STX1A: variants seen among roughly 807,000 people sequenced by gnomAD.
STX1A encodes syntaxin 1A, also known as syntaxin-1A.
A neutral mutation model predicts 37.8 loss-of-function variants in STX1A; 4 were observed. That is an observed-to-expected ratio of 0.11 (90% CI 0.05 to 0.24). The LOEUF is 0.24. Ranked by LOEUF, STX1A falls within the 10% of genes least tolerant of loss-of-function variation. The probability of loss-of-function intolerance (pLI) is 1.00; values close to 1 mark genes in which losing one functional copy is unlikely to be tolerated. For synonymous variants in STX1A, 135 were observed against 147.4 expected, an observed-to-expected ratio of 0.92 and a Z score of 0.61; for missense variants, 251 against 399.9, an observed-to-expected ratio of 0.63 and a Z score of 3.18.
Position 73,704,127 on chromosome 7 carries a change from CAG to C in STX1A, c.466+19_466+20del. On this transcript the variant is annotated intron_variant, in intron 6 of 9. Transcript: ENST00000222812. ...CCCCTCCAGGCTCCAGGCCCCGCCCCAGGCCCCACCCCCAGCTCACTGATCTC... is the reference window on the plus strand; with the variant it reads ...CCCCTCCAGGCTCCAGGCCCCGCCCCGCCCCACCCCCAGCTCACTGATCTC... The C allele has an allele frequency of 8.9e-6, 14 of 1,581,168 alleles. No individual in the cohort carries two copies. The highest frequency in any genetic ancestry group is 1.1e-5 in the Non-Finnish European group (13 of 1,161,204).
rs1799340851 is a variant in STX1A at position 73,717,768 on chromosome 7, T to G, written c.30+1834A>C. Among the ~76,000 whole-genome samples, 1 of 152,082 alleles carries G rather than the reference T, an allele frequency of 6.6e-6. No homozygotes were observed. Among genetic ancestry groups the G allele is most frequent in the East Asian group, 1.9e-4 (1 of 5,182 alleles). On this transcript the variant is annotated intron_variant, in intron 1 of 9. Coordinates refer to ENST00000222812, the MANE Select transcript of STX1A (RefSeq NM_004603.4). This position sits in a 1 kb window ranked among gnomAD's most constrained non-coding sequence, Gnocchi z 4.1. Reference sequence around the variant, plus strand: ...ATCTAATCAGGGGGCGAGGAGGTAGTAACAGAGACAGACATCAGAGCAAAA... The same window carrying G: ...ATCTAATCAGGGGGCGAGGAGGTAGGAACAGAGACAGACATCAGAGCAAAA...
chr7:73,706,514 C>T lies in STX1A; in HGVS notation c.209-1290G>A, dbSNP rs1006500897. Among the ~76,000 whole-genome samples, 3 of 152,118 alleles carry T rather than the reference C, an allele frequency of 2.0e-5. No homozygotes were observed. Among genetic ancestry groups the T allele is most frequent in the Non-Finnish European group, 4.4e-5 (3 of 68,018 alleles). ...CCCAACATGAGCCCCCTCCTCTTAGCGAGAGCCTGGGACTCCGCCAGGTCT... is the reference window on the plus strand; with the variant it reads ...CCCAACATGAGCCCCCTCCTCTTAGTGAGAGCCTGGGACTCCGCCAGGTCT... On this transcript the variant is annotated intron_variant, in intron 3 of 9. Coordinates refer to ENST00000222812, the MANE Select transcript of STX1A (RefSeq NM_004603.4). This position sits in a 1 kb window ranked among gnomAD's most constrained non-coding sequence, Gnocchi z 4.6.
In STX1A at chr7:73,702,534, C is replaced by T; in HGVS notation, c.678+311G>A. 1.5e-6 allele frequency: 1 copy of T among 680,384 alleles called. No homozygotes were observed. Among genetic ancestry groups the T allele is most frequent in the Non-Finnish European group, 2.3e-6 (1 of 430,004 alleles). The allele number at this position is 680,384 out of a possible 1,614,324, so 42.1% of individuals were successfully genotyped here. ...GCTGTCCTGGTCACTGCTATGCCTT[C>T]AGTCTCTGGGGAAATGCGTGGCCCA... On this transcript the variant is annotated intron_variant, in intron 8 of 9. Coordinates refer to ENST00000222812, the MANE Select transcript of STX1A (RefSeq NM_004603.4). This position sits in a 1 kb window ranked among gnomAD's most constrained non-coding sequence, Gnocchi z 4.7.
intron 1 of STX1A, among the ~76,000 whole-genome samples, chr7:73,714,785 AAAC>A (rs1554618478): frequency 6.6e-6 from 1 of 150,858 alleles, no homozygotes; most frequent in East Asian, 1.9e-4. Context: ...TAAAAAAAAA[AAAC>A]AAAAACGGCT....
In STX1A at chr7:73,700,419, G is replaced by T; in HGVS notation, c.855C>A (p.Gly285=). 6.2e-7 allele frequency: 1 copy of T among 1,614,054 alleles called. No individual in the cohort carries two copies. Among genetic ancestry groups the T allele is most frequent in the Non-Finnish European group, 8.5e-7 (1 of 1,179,980 alleles). The change falls in exon 10 of 10, where the codon GGC becomes GGA. Residue 285 remains glycine, a synonymous_variant. Coordinates refer to ENST00000222812, the MANE Select transcript of STX1A (RefSeq NM_004603.4). The surrounding 1 kb of genome is among the most constrained non-coding windows in gnomAD (Gnocchi z 4.4). ...LGIVIASTVG[G]IFA ...GTTTGGGTGGCTTCTAGGCGAAGAT[G>T]CCCCCAACAGTGGAGGCGATGACGA...
At position 73,709,843 on chromosome 7, in the gene STX1A, G is replaced by C. The variant is rs1204737485; in HGVS notation, c.31-721C>G. On this transcript the variant is annotated intron_variant, in intron 1 of 9. Coordinates refer to ENST00000222812, the MANE Select transcript of STX1A (RefSeq NM_004603.4). The surrounding 1 kb of genome is among the most constrained non-coding windows in gnomAD (Gnocchi z 4.2). ...TAAACCCCAGTCCCGAGGTGGCACG[G>C]ATCAGATCTCTTAGGAATCTCCTGT... Among the ~76,000 whole-genome samples, 1 of 152,172 alleles carries C rather than the reference G, an allele frequency of 6.6e-6. No homozygotes were observed. Among genetic ancestry groups the C allele is most frequent in the Non-Finnish European group, 1.5e-5 (1 of 68,020 alleles).
chr7:73,716,020 G>A (rs782529011), intron 1 of STX1A, among the ~76,000 whole-genome samples: 1 of 152,198 alleles, frequency 6.6e-6, no homozygotes, highest in Non-Finnish European at 1.5e-5. Context: ...AAGGGGCCAG[G>A]CTCTGCCCCC....
In STX1A at chr7:73,700,151, C is replaced by T. The variant is rs1569061; in HGVS notation, c.*256G>A. On this transcript the variant is annotated 3_prime_UTR_variant, in exon 10 of 10. Transcript: ENST00000222812. This position sits in a 1 kb window ranked among gnomAD's most constrained non-coding sequence, Gnocchi z 4.4. ...CTGGCGGCCCTGCCTGGGTCTGCTC[C>T]TCGCTGTGCACACTGCATCACGCCC... 0.08 allele frequency: 44,791 copies of T among 563,168 alleles called. 2,230 individuals are homozygous for T. Among genetic ancestry groups the T allele is most frequent in the African/African-American group, 0.16 (8,526 of 53,138 alleles). The allele number at this position is 563,168 out of a possible 1,614,324, so 34.9% of individuals were successfully genotyped here.
intron 3 of STX1A, among the ~76,000 whole-genome samples, 185 bp downstream of exon 3, chr7:73,708,404 G>A (rs1554617382): frequency 6.6e-6 from 1 of 152,154 alleles, no homozygotes; most frequent in East Asian, 1.9e-4. Context: ...TGACCCCCCA[G>A]TTCCAAGCCG....
intron 3 of STX1A, among the ~76,000 whole-genome samples, chr7:73,707,989 G>C (rs1174678280): frequency 6.6e-6 from 1 of 151,458 alleles, no homozygotes; most frequent in Non-Finnish European, 1.5e-5. Flanking sequence ...AGTTCGGCTG[G>C]GCGCGGTGGC....
intron 3 of STX1A, among the ~76,000 whole-genome samples, chr7:73,707,367 C>A (rs1254854952): frequency 2.0e-5 from 3 of 152,188 alleles, no homozygotes; most frequent in Non-Finnish European, 4.4e-5. Flanking sequence ...TGAGAATGCC[C>A]GCCCCGGGGT....
intron 3 of STX1A, among the ~76,000 whole-genome samples, chr7:73,708,274 A>AAAAAAAAG (rs1554617348): frequency 1.3e-5 from 2 of 150,504 alleles, no homozygotes; most frequent in South Asian, 2.1e-4. Context: ...AAAAAAAAAA[A>AAAAAAAAG]AAAAAAAGAA....
Position 73,700,650 on chromosome 7 carries a change from G to A in STX1A, c.789+80C>T, listed in dbSNP as rs1798617648. ...AGCTCCTGAGAGAAGGGAGAGAGGT[G>A]GGATGGGGAGGGATGTGGGATGGTT... On this transcript the variant is annotated intron_variant, in intron 9 of 9. Coordinates refer to ENST00000222812, the MANE Select transcript of STX1A (RefSeq NM_004603.4). This position sits in a 1 kb window ranked among gnomAD's most constrained non-coding sequence, Gnocchi z 4.4. 6.4e-7 allele frequency: 1 copy of A among 1,567,294 alleles called. No homozygotes were observed. The highest frequency in any genetic ancestry group is 8.7e-7 in the Non-Finnish European group (1 of 1,149,184).
At position 73,700,475 on chromosome 7, in the gene STX1A, T is replaced by A; in HGVS notation, c.799A>T (p.Met267Leu). 1 of 1,613,938 alleles carries A rather than the reference T, an allele frequency of 6.2e-7. No homozygotes were observed. The highest frequency in any genetic ancestry group is 8.5e-7 in the Non-Finnish European group (1 of 1,179,970). ...YQSKARRKKI[M>L]IIICCVILGI... ...AGGATCACACAGCAGATGATGATCA[T>A]GATTTTCTTCTGCATGGGAAGCGGG... Residue 267 changes from methionine (M) to leucine (L), a missense_variant, in exon 10 of 10, where the codon ATG becomes TTG. Met to Leu is a conservative substitution (Grantham distance 15). Transcript: ENST00000222812. This position sits in a 1 kb window ranked among gnomAD's most constrained non-coding sequence, Gnocchi z 4.4.
rs781810772 is a variant in STX1A at position 73,709,107 on chromosome 7, C to T, written c.46G>A (p.Asp16Asn). Residue 16 changes from aspartate to asparagine, a missense_variant, in exon 2 of 10, where the codon GAT becomes AAT. Physicochemically the swap from Asp to Asn is conservative, Grantham distance 23. This residue lies in a region of STX1A where 37 missense variants were observed against 32.3 expected (regional missense o/e 1.15). Coordinates refer to ENST00000222812, the MANE Select transcript of STX1A (RefSeq NM_004603.4). The surrounding 1 kb of genome is among the most constrained non-coding windows in gnomAD (Gnocchi z 4.2). Reference sequence around the variant, plus strand: ...ACGGTGACAGCGACATCATCATCATCATCGCTGTCCTTGGCCTGTGCGGGG... The same window carrying T: ...ACGGTGACAGCGACATCATCATCATTATCGCTGTCCTTGGCCTGTGCGGGG... The part of the protein sequence containing the change: ...QELRTAKDSD[D>N]DDDVAVTVDR... The T allele has an allele frequency of 1.2e-6, 2 of 1,613,708 alleles. No individual in the cohort carries two copies. The highest frequency in any genetic ancestry group is 1.7e-6 in the Non-Finnish European group (2 of 1,179,994).
chr7:73,718,619 C>A (rs1226982347), intron 1 of STX1A, among the ~76,000 whole-genome samples: 4 of 151,970 alleles, frequency 2.6e-5, no homozygotes, highest in Non-Finnish European at 5.9e-5. Context: ...TGATCCACCC[C>A]CCCTCCCCGA....
Position 73,702,066 on chromosome 7 carries a change from A to AG in STX1A, c.678+778dup, listed in dbSNP as rs781818382. Among the ~76,000 whole-genome samples the AG allele has an allele frequency of 2.6e-5, 4 of 152,176 alleles. No homozygotes were observed. Among genetic ancestry groups the AG allele is most frequent in the Non-Finnish European group, 5.9e-5 (4 of 68,024 alleles). ...GACCACTCCTTGTGCCCCAGCAGCA[A>AG]GGACCTCCTTTTTCTGTTCCTGAAA... On this transcript the variant is annotated intron_variant, in intron 8 of 9. Transcript: ENST00000222812. The surrounding 1 kb of genome is among the most constrained non-coding windows in gnomAD (Gnocchi z 4.7).
chr7:73,703,925 C>G (rs1247014713), intron 6 of STX1A, 97 bp from the exon 7 acceptor site: 4 of 1,410,528 alleles, frequency 2.8e-6, no homozygotes, highest in African/African-American at 2.9e-5. Context: ...CGGGCTCCCC[C>G]CAGCCCCGAG....
At position 73,704,130 on chromosome 7, in the gene STX1A, G is replaced by GCCC; in HGVS notation, c.466+15_466+17dup. ...CTCCAGGCTCCAGGCCCCGCCCCAG[G>GCCC]CCCCACCCCCAGCTCACTGATCTCC... On this transcript the variant is annotated intron_variant, in intron 6 of 9. Coordinates refer to ENST00000222812, the MANE Select transcript of STX1A (RefSeq NM_004603.4). 1 of 1,577,368 alleles carries GCCC rather than the reference G, an allele frequency of 6.3e-7. No homozygotes were observed. Among genetic ancestry groups the GCCC allele is most frequent in the Non-Finnish European group, 8.6e-7 (1 of 1,156,840 alleles).
Sources: gnomAD v4.1 joint callset for allele counts (sites outside exome capture counted in the v4.1 genomes callset) on GRCh38, gnomAD v4.1.1 for gene constraint, gnomAD v4.1.1 regional missense constraint, Gnocchi (gnomAD v3.1) non-coding constraint, MANE v1.5 for transcripts, NCBI Gene and HGNC (gene_info 2026-07-23, HGNC 2026-07-21) for gene names.